The following UBA6 variants were observed in gnomAD, a reference collection of about 807,000 sequenced individuals.
The protein encoded by UBA6 is ubiquitin-like modifier-activating enzyme 6.
A neutral mutation model predicts 148.3 loss-of-function variants in UBA6; 87 were observed. The ratio of observed to expected loss-of-function variants is 0.59; its 90% CI spans 0.49 to 0.70. UBA6 has a LOEUF of 0.70. Ranked by LOEUF, UBA6 falls within the 30% of genes least tolerant of loss-of-function variation. UBA6 has a pLI of 0.00. For missense variants in UBA6, 1,186 were observed against 1,241.2 expected (o/e 0.96, Z 0.67); for synonymous variants, 376 against 401.0 (o/e 0.94, Z 0.75).
At chr4:67,629,183 C>A (rs1273250814) in intron 26 of UBA6, 41 bp from the exon 27 acceptor site, 2 of 1,292,110 alleles carry the variant, frequency 1.5e-6, no homozygotes, top group Non-Finnish European at 2.2e-6. Context: ...ACATATTCTT[C>A]TAAATTCTAA....
intron 9 of UBA6, among the ~76,000 whole-genome samples, chr4:67,667,296 C>T (rs1730026890): frequency 6.6e-6 from 1 of 152,010 alleles, no homozygotes; most frequent in Non-Finnish European, 1.5e-5. Flanking sequence ...TGTTATACAA[C>T]ATGCATGCTA....
chr4:67,616,189 TTA>T lies in UBA6; in HGVS notation c.*2806_*2807del, dbSNP rs1262450639. On this transcript the variant is annotated 3_prime_UTR_variant, in exon 33 of 33. Coordinates refer to ENST00000322244, the MANE Select transcript of UBA6 (RefSeq NM_018227.6). ...TTTTTTTTCAGAGAAAGCATTCAGA[TTA>T]TATGTTTTTGAATCTATGAAAAGTA... 3.8e-5 allele frequency: 15 copies of T among 396,502 alleles called. No individual in the cohort carries two copies. Among genetic ancestry groups the T allele is most frequent in the African/African-American group, 1.9e-4 (9 of 48,504 alleles). 24.6% of individuals were successfully genotyped at this position (396,502 alleles called of 1,614,324 possible). A position where few individuals can be genotyped will look rare whatever the true frequency, so the allele number is the denominator to read the frequency against.
chr4:67,670,068 C>T (rs1730105435), intron 8 of UBA6, among the ~76,000 whole-genome samples: 1 of 152,120 alleles, frequency 6.6e-6, no homozygotes. Context: ...TCCATCTCAG[C>T]CTCCTTAGTA....
intron 9 of UBA6, among the ~76,000 whole-genome samples, chr4:67,665,573 T>A (rs977626530): frequency 6.6e-6 from 1 of 151,402 alleles, no homozygotes; most frequent in African/African-American, 2.4e-5. Context: ...TTATTAGATA[T>A]TAAAATATAT....
chr4:67,664,023 G>A (rs976166541), intron 10 of UBA6, 76 bp from the exon 11 acceptor site: 8 of 1,205,280 alleles, frequency 6.6e-6, no homozygotes, highest in African/African-American at 1.5e-5. Flanking sequence ...ACATGTCAGT[G>A]CGCTAAAAAC....
In UBA6 at chr4:67,635,645, T is replaced by G. The variant is rs574465486; in HGVS notation, c.1737-87A>C. On this transcript the variant is annotated intron_variant, in intron 19 of 32. Transcript: ENST00000322244. ...CAACCTACAACTTTCTATTGACCAT[T>G]TCACATACTGATCACTTCTTGAATG... 23 of 743,020 alleles carry G rather than the reference T, an allele frequency of 3.1e-5. No homozygotes were observed. The African/African-American group carries it at 3.9e-4, about 13-fold the overall frequency. The allele number at this position is 743,020 out of a possible 1,614,324, so 46.0% of individuals were successfully genotyped here. A position where few individuals can be genotyped will look rare whatever the true frequency, so the allele number is the denominator to read the frequency against.
chr4:67,700,684 G>A (rs897509129), intron 1 of UBA6, among the ~76,000 whole-genome samples: 5 of 152,172 alleles, frequency 3.3e-5, no homozygotes, highest in African/African-American at 1.2e-4. Flanking sequence ...TTTACGGAAA[G>A]GAGGAAAGGT....
intron 13 of UBA6, among the ~76,000 whole-genome samples, chr4:67,651,204 T>G (rs1159723575): frequency 6.6e-6 from 1 of 152,074 alleles, no homozygotes; most frequent in East Asian, 1.9e-4. Flanking sequence ...GTGAATTACA[T>G]ATTCTTAACA....
intron 2 of UBA6, among the ~76,000 whole-genome samples, chr4:67,687,450 C>G (rs1331309038): frequency 2.6e-5 from 4 of 152,202 alleles, no homozygotes; most frequent in African/African-American, 9.7e-5. Flanking sequence ...GGGATATGAA[C>G]TCTTACATCT....
chr4:67,623,108 T>G, intron 31 of UBA6, 27 bp downstream of exon 31: 1 of 1,531,912 alleles, frequency 6.5e-7, no homozygotes, highest in Admixed American at 1.8e-5. Context: ...AAGCTACTAA[T>G]GAACTAAATG....
Position 67,663,884 on chromosome 4 carries a change from C to T in UBA6, c.960+1G>A. On this transcript the variant is annotated splice_donor_variant, in intron 11 of 32. Transcript: ENST00000322244. LOFTEE classifies it high-confidence loss of function. ...CTCAAACCTGCAAAGTGTTTATTTA[C>T]CTCAGGGTTGCTAAAATCCACAATA... The T allele has an allele frequency of 6.2e-7, 1 of 1,613,114 alleles. No homozygotes were observed. Among genetic ancestry groups the T allele is most frequent in the Non-Finnish European group, 8.5e-7 (1 of 1,179,296 alleles).
At chr4:67,620,025 T>C (rs354886) in intron 32 of UBA6, among the ~76,000 whole-genome samples, 1 of 152,194 alleles carries the variant, frequency 6.6e-6, no homozygotes, top group African/African-American at 2.4e-5. Context: ...GGCTCTGAAC[T>C]ATATCGATTT....
chr4:67,639,539 G>C (rs1729252883), intron 18 of UBA6, among the ~76,000 whole-genome samples: 2 of 152,134 alleles, frequency 1.3e-5, no homozygotes, highest in South Asian at 4.1e-4. Context: ...AGGTATGCGA[G>C]TTGAATACTT....
chr4:67,667,025 A>G (rs1730016554), intron 9 of UBA6, among the ~76,000 whole-genome samples: 1 of 152,148 alleles, frequency 6.6e-6, no homozygotes, highest in African/African-American at 2.4e-5. Flanking sequence ...AAACTTATTC[A>G]TCTCTCCCTC....
In UBA6 at chr4:67,681,533, C is replaced by A. The variant is rs377245987; in HGVS notation, c.258+30G>T. On this transcript the variant is annotated intron_variant, in intron 4 of 32. Transcript: ENST00000322244. ...ATGAGCCAAAAAAAAAGGCTCATAACAATTTTTCTTACAGAGGACATTTAC... is the reference window on the plus strand; with the variant it reads ...ATGAGCCAAAAAAAAAGGCTCATAAAAATTTTTCTTACAGAGGACATTTAC... 18 of 1,520,266 alleles carry A rather than the reference C, an allele frequency of 1.2e-5. No homozygotes were observed. The South Asian group carries it at 2.2e-4, about 19-fold the overall frequency. 94.2% of individuals were successfully genotyped at this position (1,520,266 alleles called of 1,614,324 possible).
chr4:67,654,900 C>G (rs111855616), intron 13 of UBA6, among the ~76,000 whole-genome samples: 2 of 149,534 alleles, frequency 1.3e-5, no homozygotes, highest in Non-Finnish European at 3.0e-5. Flanking sequence ...ATCCTAGTCT[C>G]TGATAAAACA....
intron 30 of UBA6, among the ~76,000 whole-genome samples, chr4:67,623,836 A>G (rs899178125): frequency 1.3e-5 from 2 of 152,094 alleles, no homozygotes; most frequent in African/African-American, 4.8e-5. Flanking sequence ...ATTCTTCTAA[A>G]TCTCATGACC....
At chr4:67,657,903 T>C (rs1729742378) in intron 13 of UBA6, among the ~76,000 whole-genome samples, 1 of 151,178 alleles carries the variant, frequency 6.6e-6, no homozygotes, top group African/African-American at 2.4e-5. Context: ...TAGACACTTC[T>C]CAAAAGAAGA....
intron 2 of UBA6, among the ~76,000 whole-genome samples, chr4:67,692,668 C>G (rs1397409663): frequency 6.6e-6 from 1 of 152,060 alleles, no homozygotes; most frequent in Admixed American, 6.5e-5. Context: ...ACCCAGAACC[C>G]CAAAGTTCAA....
Sources: gnomAD v4.1 joint callset for allele counts (sites outside exome capture counted in the v4.1 genomes callset) on GRCh38, gnomAD v4.1.1 for gene constraint, MANE v1.5 for transcripts, NCBI Gene and HGNC (gene_info 2026-07-23, HGNC 2026-07-21) for gene names.